The following DOCK9 variants were observed in gnomAD, a reference collection of about 807,000 sequenced individuals.
DOCK9 encodes dedicator of cytokinesis 9, also known as dedicator of cytokinesis protein 9.
Under a neutral mutation model 263.3 loss-of-function variants are expected in DOCK9, and 89 were observed. That is an observed-to-expected ratio of 0.34 (90% confidence interval 0.28 to 0.40). The LOEUF (loss-of-function observed/expected upper bound fraction) is 0.40, where lower values mean the gene tolerates loss of function less well. Ranked by LOEUF, DOCK9 falls within the 10% of genes least tolerant of loss-of-function variation. The pLI is 1.00. For missense variants in DOCK9, 2,140 were observed against 2,603.4 expected (o/e 0.82, Z 3.87); for synonymous variants, 976 against 973.1 (o/e 1.00, Z -0.06).
intron 1 of DOCK9, among the ~76,000 whole-genome samples, chr13:98,957,949 C>A (rs796218573): frequency 7.2e-5 from 11 of 152,306 alleles, no homozygotes; most frequent in African/African-American, 2.6e-4. Context: ...CAGGCACAGG[C>A]ACAGGCTGGG....
intron 2 of DOCK9, among the ~76,000 whole-genome samples, chr13:98,940,672 G>T (rs574704490): frequency 6.7e-6 from 1 of 148,986 alleles, no homozygotes; most frequent in Admixed American, 6.8e-5. Context: ...GTCTTGAGGT[G>T]GGGGGGCCTT....
At chr13:98,926,086 T>C (rs1050327732) in intron 3 of DOCK9, among the ~76,000 whole-genome samples, 167 bp from the exon 4 acceptor site, 16 of 152,268 alleles carry the variant, frequency 1.1e-4, no homozygotes, top group Admixed American at 6.5e-4. Context: ...CCTGTGAAGC[T>C]TGAGACTTTG....
At chr13:98,794,844 A>C (rs530847224) in intron 52 of DOCK9, 96 bp from the exon 53 acceptor site, 5 of 1,404,094 alleles carry the variant, frequency 3.6e-6, no homozygotes, top group East Asian at 4.6e-5. Context: ...CAAGTGTAAC[A>C]AAATGTTACA....
chr13:98,949,395 C>T lies in DOCK9; in HGVS notation c.243+6040G>A, dbSNP rs549156937. Among the ~76,000 whole-genome samples, 5 of 152,260 alleles carry T rather than the reference C, an allele frequency of 3.3e-5. No individual in the cohort carries two copies. In the East Asian group the frequency reaches 9.7e-4, roughly 29 times the overall value. On this transcript the variant is annotated intron_variant, in intron 2 of 52. Coordinates refer to ENST00000682017, the MANE Select transcript of DOCK9 (RefSeq NM_001366683.2). ...TACAGGAGTCTTACAGAGCCTTGTA[C>T]ATAGCTTGAGTTACTCATTCACAAT... is the stretch of plus-strand genomic sequence containing the variant.
chr13:98,955,366 T>A, intron 2 of DOCK9, 69 bp downstream of exon 2: 2 of 1,012,370 alleles, frequency 2.0e-6, no homozygotes, highest in Non-Finnish European at 2.9e-6. Context: ...AATAAATCAA[T>A]ACATAGAAAA....
chr13:98,814,383 A>G (rs1277749709), intron 45 of DOCK9, among the ~76,000 whole-genome samples: 3 of 150,532 alleles, frequency 2.0e-5, no homozygotes, highest in Non-Finnish European at 4.4e-5. Context: ...TTTCCTTTGT[A>G]TCTGTATTAT....
At chr13:98,963,544 G>A (rs1347612242) in intron 1 of DOCK9, among the ~76,000 whole-genome samples, 2 of 152,204 alleles carry the variant, frequency 1.3e-5, no homozygotes, top group African/African-American at 4.8e-5. Flanking sequence ...TCTTGCCCTT[G>A]TGTCTCTGGT....
chr13:98,923,479 C>A, intron 4 of DOCK9, 108 bp from the exon 5 acceptor site: 1 of 871,884 alleles, frequency 1.1e-6, no homozygotes, highest in South Asian at 1.4e-5. Context: ...CCAAAGATGG[C>A]CCAGCTTCTT....
intron 1 of DOCK9, among the ~76,000 whole-genome samples, chr13:99,019,348 T>C (rs9517547): frequency 0.15 from 22,617 of 151,374 alleles, 2,414 homozygotes; most frequent in East Asian, 0.43. Flanking sequence ...TATACACACA[T>C]ATAGTCTGTG....
intron 7 of DOCK9, among the ~76,000 whole-genome samples, chr13:98,915,738 T>C (rs2050791666): frequency 6.6e-6 from 1 of 151,358 alleles, no homozygotes; most frequent in African/African-American, 2.4e-5. Flanking sequence ...CTGCTTTACA[T>C]ACTCATCTGA....
chr13:99,031,315 A>G (rs1250425681), intron 1 of DOCK9, among the ~76,000 whole-genome samples: 1 of 152,242 alleles, frequency 6.6e-6, no homozygotes, highest in African/African-American at 2.4e-5. Context: ...ACACTCTTCC[A>G]TTACAGATGA....
At chr13:99,001,901 GC>G (rs1814054749) in intron 1 of DOCK9, among the ~76,000 whole-genome samples, 1 of 152,194 alleles carries the variant, frequency 6.6e-6, no homozygotes, top group East Asian at 1.9e-4. Context: ...CCCTATGAAA[GC>G]TGGATCTGTC....
At chr13:98,848,496 C>T (rs547427586) in intron 37 of DOCK9, 96 bp downstream of exon 37, 116 of 1,342,608 alleles carry the variant, frequency 8.6e-5, no homozygotes, top group Admixed American at 5.9e-4. Context: ...CTTCCATGAA[C>T]CCCAACTGCC....
intron 2 of DOCK9, among the ~76,000 whole-genome samples, chr13:98,939,268 T>C (rs1198220559): frequency 3.3e-5 from 5 of 152,172 alleles, no homozygotes; most frequent in Non-Finnish European, 7.3e-5. Context: ...GCCTCTAAGA[T>C]GGTCTGCTCT....
chr13:98,922,335 G>A (rs575183483), intron 5 of DOCK9, among the ~76,000 whole-genome samples, 189 bp from the exon 6 acceptor site: 1 of 152,212 alleles, frequency 6.6e-6, no homozygotes, highest in South Asian at 2.1e-4. Context: ...AGAGAGACCC[G>A]CCTACATTTC....
chr13:98,975,814 C>T (rs1346426808), intron 1 of DOCK9, among the ~76,000 whole-genome samples: 1 of 152,198 alleles, frequency 6.6e-6, no homozygotes, highest in Non-Finnish European at 1.5e-5. Context: ...ATAATGCATT[C>T]AAATGATAGA....
At chr13:98,996,911 G>T (rs771220908) in intron 1 of DOCK9, among the ~76,000 whole-genome samples, 1 of 152,176 alleles carries the variant, frequency 6.6e-6, no homozygotes, top group Admixed American at 6.5e-5. Flanking sequence ...CAAAAATGCG[G>T]ATCTTCTGAA....
chr13:98,916,787 C>T (rs780491895), intron 7 of DOCK9, among the ~76,000 whole-genome samples: 2 of 152,154 alleles, frequency 1.3e-5, no homozygotes, highest in Non-Finnish European at 2.9e-5. Context: ...GAGAAAAAAA[C>T]ATTAGGCCTC....
At chr13:98,940,250 A>T (rs1457102470) in intron 2 of DOCK9, among the ~76,000 whole-genome samples, 1 of 152,216 alleles carries the variant, frequency 6.6e-6, no homozygotes, top group Non-Finnish European at 1.5e-5. Context: ...TTGCCTAAAG[A>T]GCCTCGATGT....
Sources: gnomAD v4.1 joint callset for allele counts (sites outside exome capture counted in the v4.1 genomes callset) on GRCh38, gnomAD v4.1.1 for gene constraint, MANE v1.5 for transcripts, NCBI Gene and HGNC (gene_info 2026-07-23, HGNC 2026-07-21) for gene names.